MEIKIN: variants seen among roughly 807,000 people sequenced by gnomAD.
MEIKIN encodes the protein meiosis-specific kinetochore protein.
At chr5:131,942,852 T>A (rs901912490) in intron 3 of MEIKIN, among the ~76,000 whole-genome samples, 157 bp from the exon 4 acceptor site, 1 of 152,140 alleles carries the variant, frequency 6.6e-6, no homozygotes, top group Non-Finnish European at 1.5e-5. Flanking sequence ...TCAGATGTAA[T>A]CTGATATTTA....
intron 11 of MEIKIN, among the ~76,000 whole-genome samples, chr5:131,830,563 G>A (rs531074394): frequency 2.6e-5 from 4 of 152,300 alleles, no homozygotes; most frequent in East Asian, 1.9e-4. Flanking sequence ...GATTCTCATC[G>A]TCCTTTTGGT....
chr5:131,945,069 T>C (rs890194908), intron 2 of MEIKIN, 87 bp downstream of exon 2: 4 of 398,980 alleles, frequency 1.0e-5, no homozygotes, highest in Non-Finnish European at 1.3e-5. Context: ...CCTTGACTGT[T>C]AGAATAAAAG....
chr5:131,854,615 T>C (rs539255659), intron 10 of MEIKIN, 139 bp downstream of exon 10: 12 of 388,482 alleles, frequency 3.1e-5, no homozygotes, highest in East Asian at 1.5e-4. Flanking sequence ...AGTACTTTCA[T>C]TGAAAGTGTG....
intron 9 of MEIKIN, among the ~76,000 whole-genome samples, chr5:131,861,450 C>T (rs1272586749): frequency 6.6e-6 from 1 of 152,006 alleles, no homozygotes; most frequent in Non-Finnish European, 1.5e-5. Context: ...TCTTTTATTC[C>T]TTTTTCTTGG....
chr5:131,822,798 ATTGT>A (rs1749537724), intron 11 of MEIKIN, among the ~76,000 whole-genome samples: 1 of 152,036 alleles, frequency 6.6e-6, no homozygotes, highest in African/African-American at 2.4e-5. Flanking sequence ...GTGATTTCTT[ATTGT>A]TTATTAACAT....
chr5:131,852,218 G>A (rs911679206), intron 10 of MEIKIN, among the ~76,000 whole-genome samples: 1 of 152,020 alleles, frequency 6.6e-6, no homozygotes, highest in Non-Finnish European at 1.5e-5. Context: ...CATGGGGGTG[G>A]TTTTCTCCAT....
At chr5:131,931,010 T>C (rs1467224032) in intron 5 of MEIKIN, among the ~76,000 whole-genome samples, 2 of 152,204 alleles carry the variant, frequency 1.3e-5, no homozygotes, top group African/African-American at 2.4e-5. Context: ...GTTTCGACCA[T>C]GTTTCCCTGC....
intron 8 of MEIKIN, among the ~76,000 whole-genome samples, chr5:131,895,842 T>C (rs7710536): frequency 0.26 from 39,541 of 152,050 alleles, 5,446 homozygotes; most frequent in East Asian, 0.49. Flanking sequence ...AACCAGCACC[T>C]GGATTCACTG....
At chr5:131,831,553 CTCAATCAA>C (rs201199749) in intron 11 of MEIKIN, among the ~76,000 whole-genome samples, 10 of 152,132 alleles carry the variant, frequency 6.6e-5, no homozygotes, top group East Asian at 3.9e-4. Context: ...AACAACGTGT[CTCAATCAA>C]TCAATCAATC....
chr5:131,885,846 G>C (rs1378166819), intron 8 of MEIKIN, among the ~76,000 whole-genome samples: 1 of 152,208 alleles, frequency 6.6e-6, no homozygotes, highest in Non-Finnish European at 1.5e-5. Flanking sequence ...TGGAGAAACG[G>C]AGATACATGA....
At chr5:131,852,867 T>C (rs1176460202) in intron 10 of MEIKIN, among the ~76,000 whole-genome samples, 1 of 61,312 alleles carries the variant, frequency 1.6e-5, no homozygotes, top group African/African-American at 7.3e-5. Flanking sequence ...TAAATTAGTT[T>C]TGCCACGAAA....
chr5:131,870,120 T>A (rs1750460026), intron 9 of MEIKIN, among the ~76,000 whole-genome samples: 1 of 117,732 alleles, frequency 8.5e-6, no homozygotes, highest in African/African-American at 3.4e-5. Context: ...ATATCCCATT[T>A]ACCCTGATTT....
chr5:131,816,331 T>G (rs919222292), intron 12 of MEIKIN, among the ~76,000 whole-genome samples: 5 of 152,266 alleles, frequency 3.3e-5, no homozygotes, highest in African/African-American at 1.2e-4. Flanking sequence ...GAAGGTATTT[T>G]GTAGATGTGG....
At position 131,941,299 on chromosome 5, in the gene MEIKIN, C is replaced by T. The variant is rs566057607; in HGVS notation, c.349+1336G>A. Among the ~76,000 whole-genome samples the T allele has an allele frequency of 5.8e-4, 86 of 147,860 alleles. 2 individuals are homozygous for T. The highest frequency in any genetic ancestry group is 8.6e-4 in the Admixed American group (13 of 15,076). ...TCAGCCTCCCGAGTAGCTGGGATTA[C>T]AGGCGCCTGCCACCACGCCTGGCTA... On this transcript the variant is annotated intron_variant, in intron 4 of 12. Coordinates refer to ENST00000442687, the MANE Select transcript of MEIKIN (RefSeq NM_001303622.2).
intron 9 of MEIKIN, among the ~76,000 whole-genome samples, chr5:131,857,277 T>G (rs1271331412): frequency 6.6e-6 from 1 of 152,164 alleles, no homozygotes; most frequent in African/African-American, 2.4e-5. Flanking sequence ...GATTTAAACT[T>G]AGAAATAAAT....
intron 9 of MEIKIN, among the ~76,000 whole-genome samples, chr5:131,873,902 A>C (rs1046238696): frequency 6.6e-6 from 1 of 152,230 alleles, no homozygotes; most frequent in Admixed American, 6.5e-5. Context: ...CTACTGGGTA[A>C]ATAATGAAAT....
intron 11 of MEIKIN, among the ~76,000 whole-genome samples, chr5:131,826,387 G>A (rs1035293403): frequency 5.9e-5 from 9 of 152,032 alleles, no homozygotes; most frequent in African/African-American, 1.9e-4. Context: ...AGAAAAGACA[G>A]AACCAAAATA....
intron 4 of MEIKIN, among the ~76,000 whole-genome samples, chr5:131,941,142 C>CTTTTTTTTTTTTTTTTTTTTTTTTTT (rs397999274): frequency 1.7e-5 from 1 of 59,662 alleles, no homozygotes; most frequent in Non-Finnish European, 2.8e-5. Flanking sequence ...AGATCTCTTC[C>CTTTTTTTTTTTTTTTTTTTTTTTTTT]TTTTTTTTTT....
intron 4 of MEIKIN, among the ~76,000 whole-genome samples, chr5:131,934,132 T>A (rs975546106): frequency 1.4e-5 from 2 of 146,132 alleles, no homozygotes; most frequent in Non-Finnish European, 3.0e-5. Flanking sequence ...TTTTTTTTTA[T>A]TTTTTTTTTT....
Sources: gnomAD v4.1 joint callset for allele counts (sites outside exome capture counted in the v4.1 genomes callset) on GRCh38, gnomAD v4.1.1 for gene constraint, MANE v1.5 for transcripts, NCBI Gene and HGNC (gene_info 2026-07-23, HGNC 2026-07-21) for gene names.